JPH4: variants seen among roughly 807,000 people sequenced by gnomAD.
JPH4 encodes the protein junctophilin-4.
In JPH4, 18 loss-of-function variants were observed where a neutral mutation model predicts 57.6. The ratio of observed to expected loss-of-function variants is 0.31; its 90% CI spans 0.22 to 0.46. The LOEUF is 0.46. JPH4 is among the 20% of genes least tolerant of loss of function. The pLI is 1.00. For missense variants in JPH4, 727 were observed against 911.1 expected (o/e 0.80, Z 2.60); for synonymous variants, 425 against 406.6 (o/e 1.05, Z -0.54).
chr14:23,568,067 T>G lies in JPH4; in HGVS notation c.*1567A>C, dbSNP rs1888844742. ...TTGAACTTTTTTATTAATATATTTTTTTTGTTAAATTTCTTTGTATTTTTT... is the reference window on the plus strand; with the variant it reads ...TTGAACTTTTTTATTAATATATTTTGTTTGTTAAATTTCTTTGTATTTTTT... On this transcript the variant is annotated 3_prime_UTR_variant, in exon 6 of 6. Coordinates refer to ENST00000356300, the MANE Select transcript of JPH4 (RefSeq NM_001146028.2). 8.1e-6 allele frequency: 8 copies of G among 983,562 alleles called. No individual in the cohort carries two copies. The highest frequency in any genetic ancestry group is 1.7e-5 in the African/African-American group (1 of 57,192). The allele number at this position is 983,562 out of a possible 1,614,324, so 60.9% of individuals were successfully genotyped here.
chr14:23,572,274 C>T (rs760301183), intron 3 of JPH4, among the ~76,000 whole-genome samples: 17 of 152,034 alleles, frequency 1.1e-4, no homozygotes, highest in Admixed American at 8.5e-4. Flanking sequence ...CAGTGACAGT[C>T]GAGACCTCAC....
At chr14:23,574,121 G>A (rs1249034189) in intron 3 of JPH4, among the ~76,000 whole-genome samples, 1 of 151,244 alleles carries the variant, frequency 6.6e-6, no homozygotes, top group Non-Finnish European at 1.5e-5. Flanking sequence ...TATGTGAGTT[G>A]TATAAATAAG....
intron 5 of JPH4, 80 bp downstream of exon 5, chr14:23,570,848 C>CCG (rs1889115828): frequency 7.4e-7 from 1 of 1,345,106 alleles, no homozygotes. Context: ...AAAGCCCCCC[C>CCG]GGTGATCAGA....
rs568700485 is a variant in JPH4, at chr14:23,575,452, A to C, written c.1151+233T>G. 2 of 580,614 alleles carry C rather than the reference A, an allele frequency of 3.4e-6. No individual in the cohort carries two copies. Among genetic ancestry groups the C allele is most frequent in the East Asian group, 5.7e-5 (2 of 35,350 alleles). The allele number at this position is 580,614 out of a possible 1,614,324, so 36.0% of individuals were successfully genotyped here. On this transcript the variant is annotated intron_variant, in intron 3 of 5. Coordinates refer to ENST00000356300, the MANE Select transcript of JPH4 (RefSeq NM_001146028.2). The surrounding 1 kb of genome is among the most constrained non-coding windows in gnomAD (Gnocchi z 6.9). ...ACAAAAGACACCGAGACACATTTAC[A>C]GTCTTACACCATCTCCCTCAAATAC...
rs1311427554 is a variant in JPH4, at chr14:23,569,376, A to G, written c.*258T>C. The G allele has an allele frequency of 2.1e-6, 1 of 471,232 alleles. No homozygotes were observed. The highest frequency in any genetic ancestry group is 3.9e-6 in the Non-Finnish European group (1 of 258,454). 29.2% of individuals were successfully genotyped at this position (471,232 alleles called of 1,614,324 possible). A position where few individuals can be genotyped will look rare whatever the true frequency, so the allele number is the denominator to read the frequency against. The stretch of plus-strand genomic sequence containing the variant: ...TGAGAGAGAAAAGCCCTTCATATGT[A>G]AACAATCTAGAGAAAGAAGGGGTTG... On this transcript the variant is annotated 3_prime_UTR_variant, in exon 6 of 6. Coordinates refer to ENST00000356300, the MANE Select transcript of JPH4 (RefSeq NM_001146028.2). The surrounding 1 kb of genome is among the most constrained non-coding windows in gnomAD (Gnocchi z 4.8).
Position 23,570,994 on chromosome 14 carries a change from A to ACCCCTCGAGGACGAG in JPH4, c.1722_1736dup (p.Ser575_Gly579dup). 6.5e-7 allele frequency: 1 copy of ACCCCTCGAGGACGAG among 1,545,858 alleles called. No individual in the cohort carries two copies. The highest frequency in any genetic ancestry group is 8.7e-7 in the Non-Finnish European group (1 of 1,145,998). On this transcript the variant is annotated inframe_insertion, in exon 5 of 6. Coordinates refer to ENST00000356300, the MANE Select transcript of JPH4 (RefSeq NM_001146028.2). The stretch of plus-strand genomic sequence containing the variant: ...CTTCTGTCAGGCACCCAGCATCAGG[A>ACCCCTCGAGGACGAG]CCCCTCGAGGACGAGCCCCTCAGGA...
intron 3 of JPH4, chr14:23,573,111 T>C: frequency 1.6e-6 from 1 of 613,174 alleles, no homozygotes; most frequent in South Asian, 1.9e-5. Flanking sequence ...TCTCTCTGGC[T>C]CAGGAAGGCA....
At chr14:23,570,461 T>C (rs1378115779) in intron 5 of JPH4, among the ~76,000 whole-genome samples, 3 of 143,360 alleles carry the variant, frequency 2.1e-5, no homozygotes, top group Non-Finnish European at 3.0e-5. Flanking sequence ...AGGCTCCGCC[T>C]CCCGGGTTCA....
chr14:23,573,586 C>T (rs1889202438), intron 3 of JPH4, among the ~76,000 whole-genome samples: 1 of 152,186 alleles, frequency 6.6e-6, no homozygotes, highest in Non-Finnish European at 1.5e-5. Context: ...AGTCTGTGCT[C>T]AGGCATCAGA....
intron 3 of JPH4, chr14:23,572,822 C>G: frequency 1.4e-6 from 1 of 700,046 alleles, no homozygotes; most frequent in Non-Finnish European, 2.6e-6. Flanking sequence ...CCTTCCACAA[C>G]CCCCTACCAC....
At position 23,577,478 on chromosome 14, in the gene JPH4, C is replaced by G; in HGVS notation, c.-25G>C. ...TGCATGTAGTTGGCGCGGCCTCAGC[C>G]CCCCGGCGGCTCAGCGCATCCTGGG... On this transcript the variant is annotated 5_prime_UTR_variant, in exon 2 of 6. Transcript: ENST00000356300. This position sits in a 1 kb window ranked among gnomAD's most constrained non-coding sequence, Gnocchi z 8.4. 1 of 1,393,184 alleles carries G rather than the reference C, an allele frequency of 7.2e-7. No individual in the cohort carries two copies. Among genetic ancestry groups the G allele is most frequent in the Non-Finnish European group, 9.3e-7 (1 of 1,078,098 alleles). 86.3% of individuals were successfully genotyped at this position (1,393,184 alleles called of 1,614,324 possible).
In JPH4 at chr14:23,568,728, G is replaced by C. The variant is rs1888926926; in HGVS notation, c.*906C>G. ...GCTCAAGTGCCTCTAACCCTCTGCA[G>C]TAGAAATGTCTTCTTCAGGCCCCTT... On this transcript the variant is annotated 3_prime_UTR_variant, in exon 6 of 6. Coordinates refer to ENST00000356300, the MANE Select transcript of JPH4 (RefSeq NM_001146028.2). 1.0e-6 allele frequency: 1 copy of C among 985,948 alleles called. No homozygotes were observed. Among genetic ancestry groups the C allele is most frequent in the East Asian group, 1.1e-4 (1 of 8,810 alleles). The allele number at this position is 985,948 out of a possible 1,614,324, so 61.1% of individuals were successfully genotyped here.
chr14:23,568,186 G>C lies in JPH4; in HGVS notation c.*1448C>G, dbSNP rs952749904. ...ATCAGAAGTAAAGGTTGAGAGGGGA[G>C]GAAGGAGGGAGGCAAGCCAAGGAAT... is the stretch of plus-strand genomic sequence containing the variant. On this transcript the variant is annotated 3_prime_UTR_variant, in exon 6 of 6. Coordinates refer to ENST00000356300, the MANE Select transcript of JPH4 (RefSeq NM_001146028.2). 27 of 985,756 alleles carry C rather than the reference G, an allele frequency of 2.7e-5. 1 individual carries two copies. The highest frequency in any genetic ancestry group is 3.1e-5 in the Non-Finnish European group (26 of 829,962). 61.1% of individuals were successfully genotyped at this position (985,756 alleles called of 1,614,324 possible). A position where few individuals can be genotyped will look rare whatever the true frequency, so the allele number is the denominator to read the frequency against.
intron 3 of JPH4, among the ~76,000 whole-genome samples, chr14:23,574,629 A>G (rs1432204549): frequency 6.6e-6 from 1 of 152,260 alleles, no homozygotes; most frequent in Non-Finnish European, 1.5e-5. Flanking sequence ...CTCGCTGCGC[A>G]GGGAGCCTCG....
In JPH4 at chr14:23,568,081, T is replaced by G. The variant is rs1241810093; in HGVS notation, c.*1553A>C. On this transcript the variant is annotated 3_prime_UTR_variant, in exon 6 of 6. Coordinates refer to ENST00000356300, the MANE Select transcript of JPH4 (RefSeq NM_001146028.2). ...TAATATATTTTTTTTGTTAAATTTC[T>G]TTGTATTTTTTTCCTGCAAGACTTG... 3 of 983,956 alleles carry G rather than the reference T, an allele frequency of 3.0e-6. No individual in the cohort carries two copies. The African/African-American group carries it at 5.2e-5, about 17-fold the overall frequency. 61.0% of individuals were successfully genotyped at this position (983,956 alleles called of 1,614,324 possible).
intron 5 of JPH4, 85 bp downstream of exon 5, chr14:23,570,843 C>A (rs527495117): frequency 4.5e-6 from 6 of 1,319,990 alleles, no homozygotes; most frequent in Middle Eastern, 2.2e-4. Context: ...GATAAAAAGC[C>A]CCCCCGGTGA....
rs534141783 is a variant in JPH4, at chr14:23,572,725, C to T, written c.1152-805G>A. 124 of 598,038 alleles carry T rather than the reference C, an allele frequency of 2.1e-4. 1 individual carries two copies. The highest frequency in any genetic ancestry group is 4.0e-4 in the Middle Eastern group (1 of 2,480). The allele number at this position is 598,038 out of a possible 1,614,324, so 37.0% of individuals were successfully genotyped here. Reference sequence around the variant, plus strand: ...TGGAATGAGAGTGGGTCTCCCCTTTCGGTAATGATCCCATCCCCTCTCCCT... The same window carrying T: ...TGGAATGAGAGTGGGTCTCCCCTTTTGGTAATGATCCCATCCCCTCTCCCT... On this transcript the variant is annotated intron_variant, in intron 3 of 5. Transcript: ENST00000356300.
At position 23,575,573 on chromosome 14, in the gene JPH4, T is replaced by A; in HGVS notation, c.1151+112A>T. The A allele has an allele frequency of 7.2e-7, 1 of 1,385,098 alleles. No individual in the cohort carries two copies. The highest frequency in any genetic ancestry group is 9.8e-7 in the Non-Finnish European group (1 of 1,020,910). The allele number at this position is 1,385,098 out of a possible 1,614,324, so 85.8% of individuals were successfully genotyped here. ...CAACTGCCTGGCCTTAGGCTTGCAATAGCAGGCCCTAGGCCTTGGGCCTTG... is the reference window on the plus strand; with the variant it reads ...CAACTGCCTGGCCTTAGGCTTGCAAAAGCAGGCCCTAGGCCTTGGGCCTTG... On this transcript the variant is annotated intron_variant, in intron 3 of 5. Transcript: ENST00000356300. The surrounding 1 kb of genome is among the most constrained non-coding windows in gnomAD (Gnocchi z 6.9).
In JPH4 at chr14:23,569,315, A is replaced by C; in HGVS notation, c.*319T>G. 2.7e-6 allele frequency: 1 copy of C among 364,318 alleles called. No homozygotes were observed. 22.6% of individuals were successfully genotyped at this position (364,318 alleles called of 1,614,324 possible). A position where few individuals can be genotyped will look rare whatever the true frequency, so the allele number is the denominator to read the frequency against. On this transcript the variant is annotated 3_prime_UTR_variant, in exon 6 of 6. Coordinates refer to ENST00000356300, the MANE Select transcript of JPH4 (RefSeq NM_001146028.2). This position sits in a 1 kb window ranked among gnomAD's most constrained non-coding sequence, Gnocchi z 4.8. ...TGGGAGGGCGTGGAGCAATGGTCTG[A>C]CTTAGATTTGTGTGTCTCAGAGAAG...
Sources: gnomAD v4.1 joint callset for allele counts (sites outside exome capture counted in the v4.1 genomes callset) on GRCh38, gnomAD v4.1.1 for gene constraint, Gnocchi (gnomAD v3.1) non-coding constraint, MANE v1.5 for transcripts, NCBI Gene and HGNC (gene_info 2026-07-23, HGNC 2026-07-21) for gene names.